Variants in ATP11C observed in about 807,000 individuals in gnomAD.
ATP11C encodes the protein ATPase phospholipid transporting 11C (ATP11C blood group).
ATP11C carries 36 observed loss-of-function variants against 97.4 expected under a neutral mutation model. The ratio of observed to expected loss-of-function variants is 0.37; its 90% CI spans 0.28 to 0.49. The LOEUF is 0.49. Ranked by LOEUF, ATP11C falls within the 20% of genes least tolerant of loss-of-function variation. The pLI is 0.98. For missense variants in ATP11C, 730 were observed against 824.6 expected (o/e 0.89, Z 1.40); for synonymous variants, 275 against 290.9 (o/e 0.95, Z 0.56).
chrX:139,747,530 C>G (rs951986484), intron 24 of ATP11C, among the ~76,000 whole-genome samples: 2 of 111,628 alleles, frequency 1.8e-5, no homozygotes, highest in African/African-American at 6.5e-5. Context: ...TATACCAGAA[C>G]CCTTTCTTTT....
At chrX:139,857,439 A>G (rs752758481) in intron 1 of ATP11C, among the ~76,000 whole-genome samples, 9 of 111,666 alleles carry the variant, frequency 8.1e-5, no homozygotes, top group Non-Finnish European at 1.9e-5. Context: ...TTTTTCGATT[A>G]CCTGCTCCAC....
chrX:139,757,875 A>C lies in ATP11C; in HGVS notation c.2641-8T>G, dbSNP rs2081968081. ...CAAAATGAAACAAAGGTTCTGAAAA[A>C]AAAAAATTAAGACAAGGATTAACAT... On this transcript the variant is annotated splice_region_variant and splice_polypyrimidine_tract_variant and intron_variant, in intron 22 of 29. Coordinates refer to ENST00000682941, the MANE Select transcript of ATP11C (RefSeq NM_001353812.2). The C allele has an allele frequency of 5.2e-6, 6 of 1,147,631 alleles. No individual in the cohort carries two copies. Among genetic ancestry groups the C allele is most frequent in the Middle Eastern group, 2.5e-4 (1 of 4,041 alleles). 94.6% of individuals were successfully genotyped at this position (1,147,631 alleles called of 1,213,427 possible). A position where few individuals can be genotyped will look rare whatever the true frequency, so the allele number is the denominator to read the frequency against.
chrX:139,875,501 G>A (rs1162618401), intron 1 of ATP11C, among the ~76,000 whole-genome samples: 1 of 110,110 alleles, frequency 9.1e-6, no homozygotes, highest in Non-Finnish European at 1.9e-5. Context: ...GGAGGCTGAG[G>A]TGGAAAGATC....
intron 5 of ATP11C, among the ~76,000 whole-genome samples, chrX:139,812,515 T>C (rs770697748): frequency 9.1e-6 from 1 of 109,594 alleles, no homozygotes; most frequent in Non-Finnish European, 1.9e-5. Context: ...ATGAATCATT[T>C]AGGCAGCCTT....
intron 5 of ATP11C, among the ~76,000 whole-genome samples, chrX:139,806,999 G>A (rs1386201514): frequency 9.0e-6 from 1 of 110,985 alleles, no homozygotes; most frequent in Admixed American, 9.6e-5. Context: ...ATAACCTGGT[G>A]CTGATACAAG....
chrX:139,921,542 G>A (rs1056529785), intron 1 of ATP11C, among the ~76,000 whole-genome samples: 1 of 111,955 alleles, frequency 8.9e-6, no homozygotes, highest in African/African-American at 3.2e-5. Flanking sequence ...GTTCTTTAAA[G>A]CAGTATGAAA....
chrX:139,785,275 G>T lies in ATP11C; in HGVS notation c.1617C>A (p.Asn539Lys). ...TCATACGTCGCCGGACAGCATCAAA[G>T]TTTAAGGTGTGAAGAAGTTCATATC... Reference protein sequence around the residue: ...IEEYELLHTLNFDAVRRRMSV... With the variant: ...IEEYELLHTLKFDAVRRRMSV... The change falls in exon 16 of 30, where the codon AAC (asparagine) becomes AAA (lysine). Residue 539 changes from asparagine to lysine, a missense_variant. Coordinates refer to ENST00000682941, the MANE Select transcript of ATP11C (RefSeq NM_001353812.2). The T allele has an allele frequency of 8.3e-7, 1 of 1,207,417 alleles. No homozygotes were observed. The highest frequency in any genetic ancestry group is 1.1e-6 in the Non-Finnish European group (1 of 892,330).
At chrX:139,777,846 A>T (rs1439057249) in intron 18 of ATP11C, among the ~76,000 whole-genome samples, 2 of 109,212 alleles carry the variant, frequency 1.8e-5, no homozygotes, top group African/African-American at 6.9e-5. Flanking sequence ...TAGAAGCCAG[A>T]AGATTGGGGA....
intron 1 of ATP11C, among the ~76,000 whole-genome samples, chrX:139,862,107 T>C (rs1277680093): frequency 2.7e-5 from 3 of 111,499 alleles, no homozygotes; most frequent in African/African-American, 9.8e-5. Context: ...TTAGATAAAA[T>C]ACATTAAAAA....
intron 1 of ATP11C, among the ~76,000 whole-genome samples, chrX:139,923,799 A>G (rs889856215): frequency 9.0e-6 from 1 of 111,481 alleles, no homozygotes; most frequent in South Asian, 3.7e-4. Context: ...TGCTCCAATC[A>G]TAACAAATTT....
At chrX:139,758,724 T>C (rs1446635235) in intron 22 of ATP11C, among the ~76,000 whole-genome samples, 6 of 112,062 alleles carry the variant, frequency 5.4e-5, no homozygotes, top group Non-Finnish European at 1.9e-5. Flanking sequence ...TGTGAGCTTT[T>C]TTACTGTTAC....
At chrX:139,923,326 G>A (rs1411676695) in intron 1 of ATP11C, among the ~76,000 whole-genome samples, 1 of 111,710 alleles carries the variant, frequency 9.0e-6, no homozygotes, top group Non-Finnish European at 1.9e-5. Context: ...AATGAAGCCA[G>A]AGAGCCAGTG....
chrX:139,912,809 G>T (rs185246318), intron 1 of ATP11C, among the ~76,000 whole-genome samples: 2,029 of 111,542 alleles, frequency 0.018, 19 homozygotes, highest in Non-Finnish European at 0.03. Flanking sequence ...ATTTTTACAG[G>T]AATATTTTAA....
intron 1 of ATP11C, among the ~76,000 whole-genome samples, chrX:139,871,014 C>A (rs2148015900): frequency 1.0e-5 from 1 of 97,261 alleles, no homozygotes; most frequent in East Asian, 3.4e-4. Flanking sequence ...CGAGATTGCG[C>A]CACTGCAGTC....
chrX:139,928,953 T>A (rs1181128377), intron 1 of ATP11C, among the ~76,000 whole-genome samples: 2 of 112,291 alleles, frequency 1.8e-5, no homozygotes, highest in Non-Finnish European at 3.8e-5. Flanking sequence ...GAGGGGGGAA[T>A]TGTTTTTAGA....
intron 22 of ATP11C, among the ~76,000 whole-genome samples, chrX:139,760,230 G>A (rs2082009862): frequency 8.9e-6 from 1 of 111,756 alleles, no homozygotes; most frequent in Non-Finnish European, 1.9e-5. Context: ...CTCATAGGAT[G>A]TTTGTGAGGA....
upstream of ATP11C, among the ~76,000 whole-genome samples, chrX:139,933,413 G>A (rs1319496667): frequency 8.9e-6 from 1 of 111,924 alleles, no homozygotes; most frequent in Admixed American, 9.4e-5. Context: ...TGCGCATCAG[G>A]AAACCCTCTA....
chrX:139,841,606 G>T (rs1267052256), intron 1 of ATP11C, among the ~76,000 whole-genome samples: 1 of 112,016 alleles, frequency 8.9e-6, no homozygotes, highest in East Asian at 2.8e-4. Flanking sequence ...CAAAAGACAA[G>T]AGAGAAAATT....
chrX:139,875,270 G>A (rs2084450388), intron 1 of ATP11C, among the ~76,000 whole-genome samples: 1 of 110,011 alleles, frequency 9.1e-6, no homozygotes, highest in Non-Finnish European at 1.9e-5. Context: ...AGGGTAAGCA[G>A]GATATCAACC....
Sources: gnomAD v4.1 joint callset for allele counts (sites outside exome capture counted in the v4.1 genomes callset) on GRCh38, gnomAD v4.1.1 for gene constraint, MANE v1.5 for transcripts, NCBI Gene and HGNC (gene_info 2026-07-23, HGNC 2026-07-21) for gene names.